The following ACTR3C variants were observed in gnomAD, a reference collection of about 807,000 sequenced individuals.
ACTR3C encodes actin related protein 3C, also known as actin-related protein 3C.
A neutral mutation model predicts 26.3 loss-of-function variants in ACTR3C; 18 were observed. That is an observed-to-expected ratio of 0.68 (90% confidence interval 0.47 to 1.01). ACTR3C has a LOEUF of 1.01. ACTR3C is among the 50% of genes least tolerant of loss of function. The pLI, the probability that ACTR3C is intolerant of heterozygous loss-of-function variation, is 0.00. For missense variants in ACTR3C, 184 were observed against 250.7 expected, an observed-to-expected ratio of 0.73 and a Z score of 1.80; for synonymous variants, 55 against 94.5, an observed-to-expected ratio of 0.58 and a Z score of 2.42.
chr7:150,035,293 TC>T, the ACTR3C span, among the ~76,000 whole-genome samples: 26 of 40,054 alleles, frequency 6.5e-4, 4 homozygotes, highest in African/African-American at 1.8e-3. Context: ...GGAGAGTGCC[TC>T]CCCCCCCTTG....
the ACTR3C span, among the ~76,000 whole-genome samples, chr7:150,167,240 G>A: frequency 2.7e-5 from 4 of 150,616 alleles, no homozygotes; most frequent in Non-Finnish European, 5.9e-5. Context: ...CCATACTGTT[G>A]TTCACTGTGG....
At chr7:149,896,056 ACAC>A in the ACTR3C span, among the ~76,000 whole-genome samples, 3 of 138,662 alleles carry the variant, frequency 2.2e-5, no homozygotes, top group Admixed American at 7.3e-5. Flanking sequence ...AAAAAAAAAA[ACAC>A]AAAAACTAGC....
chr7:150,012,317 C>CTTTTTTTT, the ACTR3C span, among the ~76,000 whole-genome samples: 23 of 131,268 alleles, frequency 1.8e-4, 4 homozygotes, highest in Non-Finnish European at 2.7e-4. Flanking sequence ...ATAAATGCAT[C>CTTTTTTTT]TTTTTTTTTT....
the ACTR3C span, among the ~76,000 whole-genome samples, chr7:150,034,911 C>G: frequency 0.029 from 3,702 of 129,270 alleles, 180 homozygotes; most frequent in African/African-American, 0.1. Context: ...GCCTCCCCCA[C>G]CCTGCGATGG....
the ACTR3C span, among the ~76,000 whole-genome samples, chr7:150,072,993 C>A: frequency 1.3e-5 from 2 of 152,146 alleles, no homozygotes; most frequent in African/African-American, 2.4e-5. Flanking sequence ...AAAACCACAG[C>A]GGAGGAAAAG....
intron 6 of ACTR3C, among the ~76,000 whole-genome samples, chr7:150,253,265 C>G (rs148215357): frequency 0.029 from 4,377 of 152,208 alleles, 198 homozygotes; most frequent in African/African-American, 0.1. Context: ...AGGGACAGAG[C>G]AAATTATCTT....
At chr7:150,241,400 C>T (rs1832169132), downstream of ACTR3C, among the ~76,000 whole-genome samples, 1 of 152,248 alleles carries the variant, frequency 6.6e-6, no homozygotes, top group Admixed American at 6.5e-5. Flanking sequence ...GACACGAGAG[C>T]TAGTCCATGA....
the ACTR3C span, among the ~76,000 whole-genome samples, chr7:150,096,316 T>C: frequency 6.6e-6 from 1 of 151,152 alleles, no homozygotes. Context: ...CTTGGCACAG[T>C]TCCTGACACG....
chr7:150,312,218 C>G (rs1796389684), intron 1 of ACTR3C, among the ~76,000 whole-genome samples: 2 of 152,198 alleles, frequency 1.3e-5, no homozygotes, highest in African/African-American at 4.8e-5. Context: ...CTTCTAAAAA[C>G]CCACTCTACC....
At chr7:149,985,254 A>ACACG in the ACTR3C span, among the ~76,000 whole-genome samples, 4 of 148,472 alleles carry the variant, frequency 2.7e-5, no homozygotes, top group Non-Finnish European at 4.5e-5. Flanking sequence ...ACACACACAC[A>ACACG]CGAAACCCTG....
At chr7:150,087,199 A>G in the ACTR3C span, among the ~76,000 whole-genome samples, 5 of 150,834 alleles carry the variant, frequency 3.3e-5, no homozygotes, top group South Asian at 6.2e-4. Context: ...AAAAAAAAAA[A>G]AAAAAGAAAC....
At chr7:150,301,248 G>A (rs1443833046) in intron 1 of ACTR3C, among the ~76,000 whole-genome samples, 1 of 152,170 alleles carries the variant, frequency 6.6e-6, no homozygotes, top group Non-Finnish European at 1.5e-5. Context: ...GTAGAGGTGG[G>A]GAAGTATCAG....
chr7:150,151,255 T>C, the ACTR3C span, among the ~76,000 whole-genome samples: 293 of 136,882 alleles, frequency 2.1e-3, 45 homozygotes, highest in Admixed American at 0.02. Context: ...CATCTGAGAT[T>C]GGGGTATGAT....
At chr7:150,013,734 T>A in the ACTR3C span, among the ~76,000 whole-genome samples, 1 of 152,186 alleles carries the variant, frequency 6.6e-6, no homozygotes, top group East Asian at 1.9e-4. Context: ...TAGACCTCAG[T>A]CATGCTGAAG....
At chr7:150,256,648 G>A (rs1288498034) in intron 6 of ACTR3C, among the ~76,000 whole-genome samples, 2 of 152,142 alleles carry the variant, frequency 1.3e-5, no homozygotes, top group East Asian at 1.9e-4. Flanking sequence ...AAAACTACCT[G>A]TTGTCTACTA....
the ACTR3C span, among the ~76,000 whole-genome samples, chr7:150,010,123 T>C: frequency 1.3e-5 from 2 of 152,234 alleles, no homozygotes; most frequent in Admixed American, 1.3e-4. Context: ...CAAGTGGGCA[T>C]TCTGTCAGCC....
chr7:150,009,284 A>G, the ACTR3C span, among the ~76,000 whole-genome samples: 1 of 152,238 alleles, frequency 6.6e-6, no homozygotes, highest in Non-Finnish European at 1.5e-5. Flanking sequence ...GTAGATTCCA[A>G]TGAGGGACAT....
At chr7:149,980,700 T>G in the ACTR3C span, among the ~76,000 whole-genome samples, 1 of 152,230 alleles carries the variant, frequency 6.6e-6, no homozygotes, top group Non-Finnish European at 1.5e-5. Flanking sequence ...TTATGATCTA[T>G]TCAAGTAACT....
At chr7:149,906,412 CTTTTTTTTTTTTTTTTTTTTTT>C in the ACTR3C span, among the ~76,000 whole-genome samples, 17 of 72,098 alleles carry the variant, frequency 2.4e-4, no homozygotes, top group Non-Finnish European at 3.7e-4. Context: ...GGGTTTGTTT[CTTTTTTTTTTTTTTTTTTTTTT>C]TTTTTTTTTT....
Sources: allele counts gnomAD v4.1 joint callset (sites outside exome capture counted in the v4.1 genomes callset), GRCh38; gene constraint gnomAD v4.1.1; transcripts MANE v1.5; gene names NCBI Gene and HGNC (gene_info 2026-07-23, HGNC 2026-07-21).